TRIM14: variants seen among roughly 807,000 people sequenced by gnomAD.
TRIM14 encodes the protein tripartite motif containing 14.
Under a neutral mutation model 44.5 loss-of-function variants are expected in TRIM14, and 28 were observed. The ratio of observed to expected loss-of-function variants is 0.63; its 90% confidence interval spans 0.47 to 0.86. The LOEUF is 0.86. Ranked by LOEUF, TRIM14 falls within the 40% of genes least tolerant of loss-of-function variation. TRIM14 has a pLI of 0.00. For missense variants in TRIM14, 607 were observed against 611.1 expected (o/e 0.99, Z 0.07); for synonymous variants, 299 against 269.2 (o/e 1.11, Z -1.08).
At chr9:98,064,946 C>T (rs72755452), downstream of TRIM14, among the ~76,000 whole-genome samples, 2,525 of 152,070 alleles carry the variant, frequency 0.017, 39 homozygotes, top group Non-Finnish European at 0.027. Flanking sequence ...TTTTTTAAAC[C>T]TACGTAAAAA....
At chr9:98,050,246 C>A in the TRIM14 span, among the ~76,000 whole-genome samples, 4 of 152,192 alleles carry the variant, frequency 2.6e-5, no homozygotes, top group African/African-American at 9.7e-5. Flanking sequence ...TATAAGGAGG[C>A]AGCTTTAGGC....
the TRIM14 span, among the ~76,000 whole-genome samples, chr9:98,059,049 A>C: frequency 6.6e-6 from 1 of 151,442 alleles, no homozygotes; most frequent in African/African-American, 2.4e-5. Context: ...TTCAAGACGG[A>C]GTCTCGCTGT....
At chr9:98,078,073 G>A in intron 6 of TRIM14, 1 of 1,444,346 alleles carries the variant, frequency 6.9e-7, no homozygotes, top group Non-Finnish European at 9.5e-7. Context: ...GGCTGGCACA[G>A]TGTTTTAAGA....
Position 98,099,997 on chromosome 9 carries a change from G to C in TRIM14, c.471C>G (p.Ile157Met). ...QADSCREQLD[I>M]MNDLSNRVWS... ...AGACCCTGTTGGAGAGATCATTCATGATGTCAAGTTGCTCTCTGCAAGAGT... is the reference window on the plus strand; with the variant it reads ...AGACCCTGTTGGAGAGATCATTCATCATGTCAAGTTGCTCTCTGCAAGAGT... The change falls in exon 3 of 6, where the codon ATC (isoleucine) becomes ATG (methionine). Residue 157 changes from isoleucine (I) to methionine (M), a missense_variant. Around this residue, in one of 3 missense-constraint regions of TRIM14, gnomAD observed 246 missense variants for 270.8 expected, o/e 0.91. Transcript: ENST00000341469. The C allele has an allele frequency of 6.2e-7, 1 of 1,614,160 alleles. No individual in the cohort carries two copies. Among genetic ancestry groups the C allele is most frequent in the Non-Finnish European group, 8.5e-7 (1 of 1,180,016 alleles).
At chr9:98,038,401 T>C in the TRIM14 span, among the ~76,000 whole-genome samples, 16 of 152,216 alleles carry the variant, frequency 1.1e-4, no homozygotes, top group Non-Finnish European at 2.1e-4. Context: ...TTTGGACAGA[T>C]TGAACATTGA....
chr9:98,074,360 CA>C, intron 6 of TRIM14, among the ~76,000 whole-genome samples: 1 of 152,184 alleles, frequency 6.6e-6, no homozygotes, highest in Non-Finnish European at 1.5e-5. Context: ...CATGGAACCC[CA>C]GATAGAGGGA....
At chr9:98,060,803 A>C in the TRIM14 span, 1 of 1,614,190 alleles carries the variant, frequency 6.2e-7, no homozygotes, top group Non-Finnish European at 8.5e-7. Flanking sequence ...TGATTGTGCT[A>C]AGTTCCAGAA....
chr9:98,047,539 T>G, the TRIM14 span, among the ~76,000 whole-genome samples: 1 of 152,078 alleles, frequency 6.6e-6, no homozygotes. Flanking sequence ...ACCCCAGGAA[T>G]TGGAAGCAGT....
At chr9:98,117,530 T>A in intron 1 of TRIM14, among the ~76,000 whole-genome samples, 1 of 152,120 alleles carries the variant, frequency 6.6e-6, no homozygotes. Context: ...CTTGGCCTCA[T>A]GTGATCCTCC....
intron 1 of TRIM14, among the ~76,000 whole-genome samples, chr9:98,112,756 C>G (rs529647956): frequency 6.8e-6 from 1 of 146,394 alleles, no homozygotes; most frequent in South Asian, 2.2e-4. Flanking sequence ...AGAGATTGCG[C>G]CATTGCACTC....
chr9:98,072,207 G>A (rs2131638454), intron 6 of TRIM14, among the ~76,000 whole-genome samples: 2 of 152,254 alleles, frequency 1.3e-5, no homozygotes, highest in South Asian at 4.1e-4. Flanking sequence ...GGGGCTATCT[G>A]GAGGATTCAG....
chr9:98,081,253 C>A, downstream of TRIM14: 1 of 822,960 alleles, frequency 1.2e-6, no homozygotes, highest in Non-Finnish European at 1.9e-6. Context: ...TAATGCATGT[C>A]ACTCTGGCCT....
At chr9:98,061,351 C>T in the TRIM14 span, 2,313 of 229,504 alleles carry the variant, frequency 0.01, 50 homozygotes, top group African/African-American at 0.049. Context: ...GTGGTGCGTG[C>T]CTGTAATCCC....
At chr9:98,049,997 TAGA>T in the TRIM14 span, among the ~76,000 whole-genome samples, 9 of 152,302 alleles carry the variant, frequency 5.9e-5, no homozygotes, top group South Asian at 1.0e-3. Flanking sequence ...AGCTTTGTGG[TAGA>T]AGAAGATTTA....
At chr9:98,109,772 CA>C in intron 2 of TRIM14, 116 bp downstream of exon 2, 1 of 785,862 alleles carries the variant, frequency 1.3e-6, no homozygotes, top group Non-Finnish European at 2.1e-6. Context: ...CTCCAGGCCC[CA>C]CCATCTGCCC....
Position 98,099,912 on chromosome 9 carries a change from G to A in TRIM14, c.537+19C>T, listed in dbSNP as rs1263123978. On this transcript the variant is annotated intron_variant, in intron 3 of 5. Coordinates refer to ENST00000341469, the MANE Select transcript of TRIM14 (RefSeq NM_014788.4). ...TGGGTGGCAGGTGGCAGCAGTAAGA[G>A]CAGTGACCCCAGCATTACCTGAAGC... 6.2e-7 allele frequency: 1 copy of A among 1,603,662 alleles called. No individual in the cohort carries two copies. The highest frequency in any genetic ancestry group is 8.5e-7 in the Non-Finnish European group (1 of 1,172,512).
intron 2 of TRIM14, among the ~76,000 whole-genome samples, chr9:98,107,867 C>T (rs921838348): frequency 6.6e-6 from 1 of 151,808 alleles, no homozygotes; most frequent in Non-Finnish European, 1.5e-5. Context: ...GGGGTTTCAA[C>T]ATGATGGCCA....
intron 3 of TRIM14, among the ~76,000 whole-genome samples, chr9:98,098,253 A>G (rs1329652871): frequency 3.3e-5 from 5 of 152,254 alleles, no homozygotes; most frequent in African/African-American, 9.6e-5. Flanking sequence ...AGTGTTTGCC[A>G]TGAAGCCTTA....
intron 6 of TRIM14, among the ~76,000 whole-genome samples, chr9:98,072,187 A>T (rs1433136035): frequency 1.3e-5 from 2 of 152,192 alleles, no homozygotes; most frequent in Non-Finnish European, 2.9e-5. Context: ...AGGATTGTTA[A>T]GATGCTCCTG....
Sources: allele counts gnomAD v4.1 joint callset (sites outside exome capture counted in the v4.1 genomes callset), GRCh38; gene constraint gnomAD v4.1.1; regional missense constraint gnomAD v4.1.1; transcripts MANE v1.5; gene names NCBI Gene and HGNC (gene_info 2026-07-23, HGNC 2026-07-21).